The following PTPRN2 variants were observed in gnomAD, a reference collection of about 807,000 sequenced individuals.
PTPRN2 encodes the protein receptor-type tyrosine-protein phosphatase N2.
PTPRN2 carries 74 observed loss-of-function variants against 118.8 expected under a neutral mutation model. The observed-to-expected ratio is 0.62, with a 90% CI of 0.52 to 0.76. The LOEUF is 0.76. Among genes scored for constraint, PTPRN2 ranks in the 30% least tolerant of loss-of-function variants. The pLI, the probability that PTPRN2 is intolerant of heterozygous loss-of-function variation, is 0.00. For missense variants in PTPRN2, 1,481 were observed against 1,394.4 expected (o/e 1.06, Z -0.99); for synonymous variants, 641 against 608.0 (o/e 1.05, Z -0.80).
At chr7:158,337,058 C>A (rs1478420776) in intron 2 of PTPRN2, among the ~76,000 whole-genome samples, 1 of 139,142 alleles carries the variant, frequency 7.2e-6, no homozygotes, top group Non-Finnish European at 1.6e-5. Flanking sequence ...CACACTGTCA[C>A]CATAAGAGCT....
intron 2 of PTPRN2, among the ~76,000 whole-genome samples, chr7:158,340,342 C>G: frequency 9.7e-6 from 1 of 102,818 alleles, no homozygotes; most frequent in African/African-American, 3.5e-5. Flanking sequence ...CACACTGTCA[C>G]CATAAGAGCT....
At chr7:157,791,247 A>G (rs1804471470) in intron 12 of PTPRN2, among the ~76,000 whole-genome samples, 1 of 152,250 alleles carries the variant, frequency 6.6e-6, no homozygotes, top group Non-Finnish European at 1.5e-5. Flanking sequence ...TGATAAGAAA[A>G]GATATTCCAC....
intron 14 of PTPRN2, among the ~76,000 whole-genome samples, 154 bp from the exon 15 acceptor site, chr7:157,621,663 A>C (rs1048362215): frequency 2.6e-5 from 4 of 152,288 alleles, no homozygotes; most frequent in African/African-American, 4.8e-5. Flanking sequence ...GCTACGGTGC[A>C]CAATGCATAT....
chr7:158,540,967 T>G (rs57951332), intron 1 of PTPRN2, among the ~76,000 whole-genome samples: 4,656 of 152,256 alleles, frequency 0.031, 229 homozygotes, highest in African/African-American at 0.099. Flanking sequence ...TAATCCCTAC[T>G]ACCACCTGCA....
intron 12 of PTPRN2, among the ~76,000 whole-genome samples, chr7:157,693,668 C>T (rs1418859174): frequency 6.6e-6 from 1 of 152,092 alleles, no homozygotes; most frequent in African/African-American, 2.4e-5. Flanking sequence ...AACCGCGCGT[C>T]GCCTCGGGGA....
chr7:158,584,772 TCA>T (rs1209549721), intron 1 of PTPRN2, among the ~76,000 whole-genome samples: 2 of 152,168 alleles, frequency 1.3e-5, no homozygotes, highest in African/African-American at 2.4e-5. Context: ...GAGAATAAAC[TCA>T]GAGACAGCAG....
intron 15 of PTPRN2, chr7:157,614,103 T>C: frequency 5.6e-6 from 2 of 358,002 alleles, no homozygotes; most frequent in South Asian, 3.9e-5. Context: ...ATGAAAGAGG[T>C]GGGAGGAGGA....
chr7:157,847,517 C>T (rs1266904127), intron 12 of PTPRN2, among the ~76,000 whole-genome samples: 166 of 135,066 alleles, frequency 1.2e-3, no homozygotes, highest in African/African-American at 4.5e-3. Context: ...CATGCGTGCC[C>T]GATGTCTACA....
intron 2 of PTPRN2, among the ~76,000 whole-genome samples, chr7:158,388,257 T>C (rs1440250608): frequency 6.6e-6 from 1 of 151,988 alleles, no homozygotes; most frequent in Non-Finnish European, 1.5e-5. Flanking sequence ...GAAGCCACGG[T>C]TCACGTCAAT....
chr7:158,217,199 G>A (rs1216199469), intron 3 of PTPRN2, among the ~76,000 whole-genome samples: 1 of 152,154 alleles, frequency 6.6e-6, no homozygotes, highest in Middle Eastern at 3.2e-3. Context: ...TTTAGCTGGT[G>A]GCCCCTGATA....
In PTPRN2 at chr7:158,022,341, C is replaced by T. The variant is rs1167897266; in HGVS notation, c.1723+58957G>A. On this transcript the variant is annotated intron_variant, in intron 11 of 22. Coordinates refer to ENST00000389418, the MANE Select transcript of PTPRN2 (RefSeq NM_002847.5). The surrounding 1 kb of genome is among the most constrained non-coding windows in gnomAD (Gnocchi z 4.6). Reference sequence around the variant, plus strand: ...CCTCCACCACGAGACTTCAGGTCATCCTTTAATGAGGGCCCAAGGAAGCAC... The same window carrying T: ...CCTCCACCACGAGACTTCAGGTCATTCTTTAATGAGGGCCCAAGGAAGCAC... Among the ~76,000 whole-genome samples, 1 of 152,214 alleles carries T rather than the reference C, an allele frequency of 6.6e-6. No homozygotes were observed. The highest frequency in any genetic ancestry group is 1.5e-5 in the Non-Finnish European group (1 of 68,038).
intron 2 of PTPRN2, among the ~76,000 whole-genome samples, chr7:158,458,301 C>T (rs964092365): frequency 2.0e-5 from 3 of 152,158 alleles, no homozygotes; most frequent in African/African-American, 7.2e-5. Context: ...GAGTGATCTG[C>T]AGTCCATCGG....
At chr7:157,706,759 C>T (rs1247873665) in intron 12 of PTPRN2, among the ~76,000 whole-genome samples, 3 of 148,724 alleles carry the variant, frequency 2.0e-5, no homozygotes, top group East Asian at 2.0e-4. Context: ...TCTGGATAAA[C>T]GTGGACCACA....
At chr7:158,427,909 C>G (rs1815850928) in intron 2 of PTPRN2, among the ~76,000 whole-genome samples, 1 of 139,782 alleles carries the variant, frequency 7.2e-6, no homozygotes, top group Non-Finnish European at 1.5e-5. Flanking sequence ...GGGAAAGACG[C>G]GGGGTCCGAG....
intron 2 of PTPRN2, among the ~76,000 whole-genome samples, chr7:158,369,295 ATATACC>A (rs796920350): frequency 4.8e-5 from 6 of 123,946 alleles, no homozygotes; most frequent in African/African-American, 1.5e-4. Context: ...ACACACATAT[ATATACC>A]TATAAAGTTA....
chr7:158,461,250 C>T (rs1349561769), intron 2 of PTPRN2, among the ~76,000 whole-genome samples: 8 of 152,142 alleles, frequency 5.3e-5, no homozygotes, highest in Non-Finnish European at 1.5e-5. Flanking sequence ...AATCCCAGCA[C>T]TTTGGGAGGC....
At chr7:157,748,481 C>A (rs1801184277) in intron 12 of PTPRN2, among the ~76,000 whole-genome samples, 1 of 149,654 alleles carries the variant, frequency 6.7e-6, no homozygotes, top group Non-Finnish European at 1.5e-5. Flanking sequence ...AGGCCTGCGT[C>A]CCTGAGCTGC....
At chr7:158,407,480 G>C (rs377011606) in intron 2 of PTPRN2, among the ~76,000 whole-genome samples, 5 of 8,540 alleles carry the variant, frequency 5.9e-4, no homozygotes, top group African/African-American at 1.3e-3. Flanking sequence ...CTGCGTCCTG[G>C]GTCCTGGGTC....
At chr7:158,342,844 C>G (rs1807159444) in intron 2 of PTPRN2, among the ~76,000 whole-genome samples, 1 of 152,084 alleles carries the variant, frequency 6.6e-6, no homozygotes, top group South Asian at 2.1e-4. Flanking sequence ...ACCGGGAGCT[C>G]AGGAAACCTC....
Sources: allele counts gnomAD v4.1 joint callset (sites outside exome capture counted in the v4.1 genomes callset), GRCh38; gene constraint gnomAD v4.1.1; non-coding constraint Gnocchi (gnomAD v3.1); transcripts MANE v1.5; gene names NCBI Gene and HGNC (gene_info 2026-07-23, HGNC 2026-07-21).